MAP3K20: variants seen among roughly 807,000 people sequenced by gnomAD.
MAP3K20 encodes mitogen-activated protein kinase kinase kinase 20.
Under a neutral mutation model 85.7 loss-of-function variants are expected in MAP3K20, and 40 were observed. That is an observed-to-expected ratio of 0.47 (90% CI 0.36 to 0.61). The LOEUF (loss-of-function observed/expected upper bound fraction) is 0.61. MAP3K20 is among the 20% of genes least tolerant of loss of function. The probability of loss-of-function intolerance (pLI) is 0.00; values close to 1 mark genes in which losing one functional copy is unlikely to be tolerated. For missense variants in MAP3K20, 817 were observed against 961.7 expected (o/e 0.85, Z 1.99); for synonymous variants, 325 against 327.7 (o/e 0.99, Z 0.09).
Position 173,238,361 on chromosome 2 carries a change from T to C in MAP3K20, c.1204-12T>C. On this transcript the variant is annotated splice_polypyrimidine_tract_variant and intron_variant, in intron 14 of 19. Transcript: ENST00000375213. ...CTGGATCATTAATAAAGTCATATGA[T>C]TTTTTTTACAGTCAGCCATTGAGAA... 2 of 1,599,616 alleles carry C rather than the reference T, an allele frequency of 1.3e-6. No individual in the cohort carries two copies. The highest frequency in any genetic ancestry group is 1.7e-6 in the Non-Finnish European group (2 of 1,169,436).
At chr2:173,256,346 A>G (rs1685158020) in intron 16 of MAP3K20, among the ~76,000 whole-genome samples, 1 of 152,158 alleles carries the variant, frequency 6.6e-6, no homozygotes, top group African/African-American at 2.4e-5. Flanking sequence ...AAAAACACAG[A>G]GCCAGGAGCA....
intron 18 of MAP3K20, among the ~76,000 whole-genome samples, chr2:173,261,362 G>A (rs1407180706): frequency 6.6e-6 from 1 of 152,204 alleles, no homozygotes; most frequent in Non-Finnish European, 1.5e-5. Flanking sequence ...GACTGAGGTA[G>A]TACTTCAGTC....
chr2:173,227,328 T>A (rs959116691), intron 11 of MAP3K20, among the ~76,000 whole-genome samples: 1 of 152,128 alleles, frequency 6.6e-6, no homozygotes, highest in Non-Finnish European at 1.5e-5. Flanking sequence ...ATTTTTTTTT[T>A]ATTCCCTAAA....
intron 1 of MAP3K20, among the ~76,000 whole-genome samples, chr2:173,076,823 A>C (rs1463049527): frequency 6.6e-6 from 1 of 152,198 alleles, no homozygotes; most frequent in Non-Finnish European, 1.5e-5. Flanking sequence ...CCAGGCCCAG[A>C]AGTGCTTACC....
At chr2:173,182,789 A>G in intron 3 of MAP3K20, 65 bp from the exon 4 acceptor site, 1 of 1,125,786 alleles carries the variant, frequency 8.9e-7, no homozygotes, top group Non-Finnish European at 1.2e-6. Flanking sequence ...CAATGAAAAT[A>G]TAAAGTCTTA....
intron 19 of MAP3K20, among the ~76,000 whole-genome samples, chr2:173,264,208 T>C (rs1286515203): frequency 6.6e-6 from 1 of 152,212 alleles, no homozygotes; most frequent in Non-Finnish European, 1.5e-5. Flanking sequence ...TTCCCAGTGA[T>C]TAAGAACAAC....
At chr2:173,240,406 G>A (rs981161008) in intron 16 of MAP3K20, among the ~76,000 whole-genome samples, 4 of 152,194 alleles carry the variant, frequency 2.6e-5, no homozygotes, top group African/African-American at 9.7e-5. Context: ...GCTTGCTCCA[G>A]GCCATTCCTG....
chr2:173,123,485 G>A (rs1465515713), intron 2 of MAP3K20, among the ~76,000 whole-genome samples: 2 of 152,152 alleles, frequency 1.3e-5, no homozygotes, highest in East Asian at 1.9e-4. Context: ...ATCTTGAGGA[G>A]AATGAGCATC....
intron 2 of MAP3K20, among the ~76,000 whole-genome samples, chr2:173,149,403 T>C (rs1467078539): frequency 1.3e-5 from 2 of 151,820 alleles, no homozygotes; most frequent in African/African-American, 2.4e-5. Context: ...AATAGTAATG[T>C]ACTATATATA....
chr2:173,253,042 T>C (rs752599315), intron 16 of MAP3K20, among the ~76,000 whole-genome samples: 3 of 152,202 alleles, frequency 2.0e-5, no homozygotes, highest in African/African-American at 7.2e-5. Context: ...GATCACTCCC[T>C]GGTACCCAAA....
chr2:173,137,148 A>G (rs1688820607), intron 2 of MAP3K20, among the ~76,000 whole-genome samples: 1 of 152,198 alleles, frequency 6.6e-6, no homozygotes, highest in Non-Finnish European at 1.5e-5. Context: ...GTAGCTGGCG[A>G]GTGTTAAAGC....
At chr2:173,146,010 A>G (rs1453492351) in intron 2 of MAP3K20, among the ~76,000 whole-genome samples, 1 of 152,178 alleles carries the variant, frequency 6.6e-6, no homozygotes, top group Non-Finnish European at 1.5e-5. Context: ...GTTCAATAAA[A>G]GGCAAAATTA....
At chr2:173,152,633 C>T (rs1254800431) in intron 2 of MAP3K20, among the ~76,000 whole-genome samples, 8 of 152,086 alleles carry the variant, frequency 5.3e-5, no homozygotes, top group Non-Finnish European at 1.2e-4. Context: ...AGATTAAGGA[C>T]ACCCCGCTGA....
intron 1 of MAP3K20, among the ~76,000 whole-genome samples, chr2:173,080,955 T>G (rs1686996908): frequency 6.6e-6 from 1 of 152,226 alleles, no homozygotes; most frequent in South Asian, 2.1e-4. Context: ...CGTCATGTAA[T>G]AAATCTTTAC....
At chr2:173,261,467 C>A (rs1685290928) in intron 18 of MAP3K20, among the ~76,000 whole-genome samples, 1 of 152,108 alleles carries the variant, frequency 6.6e-6, no homozygotes, top group Non-Finnish European at 1.5e-5. Flanking sequence ...TTTAAATCAA[C>A]AAGATCTTCA....
chr2:173,099,358 C>T (rs370368994), intron 2 of MAP3K20, among the ~76,000 whole-genome samples: 1 of 135,914 alleles, frequency 7.4e-6, no homozygotes. Context: ...GAGACAGGGT[C>T]TCCCTCTGTC....
At chr2:173,253,338 C>T (rs1232726606) in intron 16 of MAP3K20, among the ~76,000 whole-genome samples, 1 of 152,182 alleles carries the variant, frequency 6.6e-6, no homozygotes, top group Admixed American at 6.5e-5. Flanking sequence ...TCTTAATCTT[C>T]ACATGACACC....
chr2:173,237,409 G>A (rs1374344909), intron 14 of MAP3K20, among the ~76,000 whole-genome samples: 1 of 152,082 alleles, frequency 6.6e-6, no homozygotes, highest in Admixed American at 6.5e-5. Flanking sequence ...GCAAGCCCTC[G>A]TGTGGAGGAG....
At chr2:173,226,313 T>G in intron 11 of MAP3K20, 3 of 985,044 alleles carry the variant, frequency 3.0e-6, no homozygotes, top group Non-Finnish European at 3.6e-6. Flanking sequence ...TAAAACTTAT[T>G]CTGAGTTAAA....
Sources: allele counts gnomAD v4.1 joint callset (sites outside exome capture counted in the v4.1 genomes callset), GRCh38; gene constraint gnomAD v4.1.1; transcripts MANE v1.5; gene names NCBI Gene and HGNC (gene_info 2026-07-23, HGNC 2026-07-21).